The following KALRN variants were observed in gnomAD, a reference collection of about 807,000 sequenced individuals.
The protein encoded by KALRN is kalirin RhoGEF kinase, also known as kalirin.
In KALRN, 70 loss-of-function variants were observed where a neutral mutation model predicts 353.7. The ratio of observed to expected loss-of-function variants is 0.20; its 90% CI spans 0.16 to 0.24. The LOEUF is 0.24. Ranked by LOEUF, KALRN falls within the 10% of genes least tolerant of loss-of-function variation. The probability of loss-of-function intolerance (pLI) is 1.00; values close to 1 mark genes in which losing one functional copy is unlikely to be tolerated. For synonymous variants in KALRN, 1,391 were observed against 1,434.8 expected (o/e 0.97, Z 0.69); for missense variants, 2,791 against 3,756.7 (o/e 0.74, Z 6.72).
chr3:124,666,612 A>G lies in KALRN; in HGVS notation c.6509A>G (p.Tyr2170Cys). The stretch of plus-strand genomic sequence containing the variant: ...AGGAAGGGATCCCTCACCCCTGGCT[A>G]CATGTTCAAAAGGAGCATCAAGGTG... ...LLRKGSLTPGYMFKRSIKMNY... is the reference protein window; with the variant it reads ...LLRKGSLTPGCMFKRSIKMNY... The change falls in exon 46 of 60, where the codon TAC becomes TGC. Residue 2170 changes from tyrosine (Y) to cysteine (C), a missense_variant. Tyr to Cys is a radical substitution (Grantham distance 194, BLOSUM62 -2). Transcript: ENST00000682506. The G allele has an allele frequency of 6.2e-7, 1 of 1,614,086 alleles. No homozygotes were observed. The highest frequency in any genetic ancestry group is 1.1e-5 in the South Asian group (1 of 91,074).
intron 1 of KALRN, among the ~76,000 whole-genome samples, chr3:124,184,575 A>T (rs1350042300): frequency 1.3e-5 from 2 of 152,140 alleles, no homozygotes; most frequent in African/African-American, 2.4e-5. Context: ...AAAACTGCAC[A>T]TTCCTGAAGA....
At chr3:124,550,928 G>A (rs562836032) in intron 33 of KALRN, among the ~76,000 whole-genome samples, 1 of 152,276 alleles carries the variant, frequency 6.6e-6, no homozygotes, top group South Asian at 2.1e-4. Flanking sequence ...GATGGAGCTT[G>A]CAGTGAGCCG....
chr3:124,245,920 C>A (rs2081072593), intron 3 of KALRN, among the ~76,000 whole-genome samples: 1 of 152,066 alleles, frequency 6.6e-6, no homozygotes, highest in African/African-American at 2.4e-5. Flanking sequence ...AAATTTATTT[C>A]CAAATTTATC....
chr3:124,329,269 C>G (rs566521197), intron 7 of KALRN, among the ~76,000 whole-genome samples: 1 of 152,326 alleles, frequency 6.6e-6, no homozygotes, highest in East Asian at 1.9e-4. Flanking sequence ...CACAGCCTGT[C>G]CCCCTAGACT....
intron 34 of KALRN, among the ~76,000 whole-genome samples, chr3:124,604,801 C>G (rs187155779): frequency 6.6e-6 from 1 of 151,804 alleles, no homozygotes; most frequent in Non-Finnish European, 1.5e-5. Context: ...ATCCTCTTGT[C>G]TCAGCCTCCT....
intron 44 of KALRN, among the ~76,000 whole-genome samples, chr3:124,661,327 T>C (rs2084855712): frequency 6.6e-6 from 1 of 152,216 alleles, no homozygotes; most frequent in Non-Finnish European, 1.5e-5. Flanking sequence ...GCAAGTATTA[T>C]TTGAGTCAAA....
chr3:124,622,354 G>A (rs1578410824), intron 34 of KALRN, among the ~76,000 whole-genome samples: 1 of 152,088 alleles, frequency 6.6e-6, no homozygotes, highest in South Asian at 2.1e-4. Context: ...GATAAAACAG[G>A]TATGGTTTAT....
At chr3:124,482,145 A>T (rs1231255282) in intron 27 of KALRN, among the ~76,000 whole-genome samples, 1 of 152,210 alleles carries the variant, frequency 6.6e-6, no homozygotes, top group African/African-American at 2.4e-5. Flanking sequence ...AATGGAAAGG[A>T]AAGATTTGTC....
intron 33 of KALRN, among the ~76,000 whole-genome samples, chr3:124,505,473 T>A (rs572819664): frequency 6.6e-6 from 1 of 152,022 alleles, no homozygotes; most frequent in East Asian, 1.9e-4. Flanking sequence ...CTACAAAATA[T>A]ATAAACAAAA....
Position 124,488,190 on chromosome 3 carries a change from T to A in KALRN, c.4285-14T>A. The A allele has an allele frequency of 6.4e-7, 1 of 1,567,812 alleles. No individual in the cohort carries two copies. Among genetic ancestry groups the A allele is most frequent in the Non-Finnish European group, 8.8e-7 (1 of 1,141,032 alleles). ...GAGATGGCCCTAATTATGTCCGGAC[T>A]TTTTTTTCCCCAGGAACTTTTAACT... On this transcript the variant is annotated splice_polypyrimidine_tract_variant and intron_variant, in intron 28 of 59. Coordinates refer to ENST00000682506, the MANE Select transcript of KALRN (RefSeq NM_001388419.1).
At chr3:124,691,194 C>A (rs1343092681) in intron 51 of KALRN, among the ~76,000 whole-genome samples, 1 of 151,998 alleles carries the variant, frequency 6.6e-6, no homozygotes, top group African/African-American at 2.4e-5. Context: ...TTTGGGAGGC[C>A]GAGGCAGGCG....
At chr3:124,477,836 T>C (rs1422489900) in intron 27 of KALRN, among the ~76,000 whole-genome samples, 1 of 150,698 alleles carries the variant, frequency 6.6e-6, no homozygotes, top group African/African-American at 2.5e-5. Context: ...CAACCTTTTT[T>C]GGAAAAAAAA....
intron 10 of KALRN, among the ~76,000 whole-genome samples, chr3:124,368,969 A>G (rs1182280483): frequency 6.6e-6 from 1 of 151,494 alleles, no homozygotes; most frequent in East Asian, 2.0e-4. Flanking sequence ...AGAATCAGGC[A>G]GGGAGGTTGC....
chr3:124,285,509 T>TA (rs1167559016), intron 5 of KALRN, among the ~76,000 whole-genome samples: 1 of 152,180 alleles, frequency 6.6e-6, no homozygotes, highest in Non-Finnish European at 1.5e-5. Flanking sequence ...TTTATACAAA[T>TA]AAAAAAATTA....
At chr3:124,474,601 G>T in intron 25 of KALRN, 62 bp from the exon 26 acceptor site, 2 of 1,332,832 alleles carry the variant, frequency 1.5e-6, no homozygotes, top group Non-Finnish European at 2.2e-6. Flanking sequence ...TGGCCTCAGT[G>T]CAATCCTCTG....
chr3:124,082,645 C>A (rs1253367491), intron 1 of KALRN, among the ~76,000 whole-genome samples: 1 of 152,182 alleles, frequency 6.6e-6, no homozygotes, highest in Non-Finnish European at 1.5e-5. Flanking sequence ...TTATGGAAGG[C>A]AGCAGTGGGG....
chr3:124,487,466 T>A (rs1206003036), intron 28 of KALRN, among the ~76,000 whole-genome samples: 1 of 152,208 alleles, frequency 6.6e-6, no homozygotes, highest in Non-Finnish European at 1.5e-5. Flanking sequence ...GTGGATAAAG[T>A]GCCAGACTTG....
intron 1 of KALRN, among the ~76,000 whole-genome samples, chr3:124,155,599 A>G (rs2068859971): frequency 1.3e-5 from 2 of 152,372 alleles, no homozygotes; most frequent in South Asian, 4.1e-4. Flanking sequence ...ACAGTTCACA[A>G]ACAAGACAGT....
chr3:124,373,267 G>T (rs964213868), intron 10 of KALRN, among the ~76,000 whole-genome samples: 4 of 152,096 alleles, frequency 2.6e-5, no homozygotes, highest in African/African-American at 9.7e-5. Context: ...TCAACTGGAA[G>T]GCAATTTTTG....
Sources: allele counts gnomAD v4.1 joint callset (sites outside exome capture counted in the v4.1 genomes callset), GRCh38; gene constraint gnomAD v4.1.1; transcripts MANE v1.5; gene names NCBI Gene and HGNC (gene_info 2026-07-23, HGNC 2026-07-21).